PKIB: variants seen among roughly 807,000 people sequenced by gnomAD.
The protein encoded by PKIB is PKI-beta.
In PKIB, 2 loss-of-function variants were observed where a neutral mutation model predicts 4.5. The ratio of observed to expected loss-of-function variants is 0.44; its 90% CI spans 0.18 to 1.39. The LOEUF (loss-of-function observed/expected upper bound fraction) is 1.39, where lower values mean the gene tolerates loss of function less well. Ranked by LOEUF, PKIB falls within the 40% of genes most tolerant of loss-of-function variation. The pLI is 0.27. For missense variants in PKIB, 94 were observed against 92.6 expected (o/e 1.02, Z -0.06); for synonymous variants, 38 against 36.0 (o/e 1.06, Z -0.20).
intron 1 of PKIB, among the ~76,000 whole-genome samples, chr6:122,612,384 A>T (rs1298622724): frequency 6.6e-6 from 1 of 152,184 alleles, no homozygotes; most frequent in African/African-American, 2.4e-5. Context: ...CCAAAATTGT[A>T]AAACCATTAC....
intron 2 of PKIB, among the ~76,000 whole-genome samples, chr6:122,661,105 T>C (rs1040215140): frequency 2.6e-5 from 4 of 152,164 alleles, no homozygotes; most frequent in African/African-American, 4.8e-5. Context: ...ATAAATTATA[T>C]GGATAAAGAT....
exon 1 of PKIB, chr6:122,472,032 T>A: frequency 1.8e-6 from 1 of 565,966 alleles, no homozygotes; most frequent in Non-Finnish European, 2.9e-6. Context: ...TTTGCCAAAT[T>A]AAGAAAACGG....
chr6:122,615,697 T>C lies in PKIB; in HGVS notation c.-161+5162T>C, dbSNP rs571301225. ...TAACCCAATATGACTGGTTTCCTTA[T>C]AAGAAGAGGCAAGAGACACAAAGAG... On this transcript the variant is annotated intron_variant, in intron 1 of 4. Transcript: ENST00000368452. Among the ~76,000 whole-genome samples, 14 of 152,210 alleles carry C rather than the reference T, an allele frequency of 9.2e-5. No homozygotes were observed. In the South Asian group the frequency reaches 2.7e-3, roughly 29 times the overall value.
At chr6:122,580,705 G>C (rs1254135819) in intron 2 of PKIB, among the ~76,000 whole-genome samples, 3 of 152,014 alleles carry the variant, frequency 2.0e-5, no homozygotes, top group Non-Finnish European at 4.4e-5. Flanking sequence ...ATTTTGTCTT[G>C]TATCTTCTTA....
At chr6:122,567,052 A>G (rs141080606) in intron 2 of PKIB, among the ~76,000 whole-genome samples, 331 of 152,318 alleles carry the variant, frequency 2.2e-3, no homozygotes, top group Non-Finnish European at 4.0e-3. Flanking sequence ...AGAAATATAT[A>G]GAGGTAAAAA....
At chr6:122,473,238 A>G (rs1043950975) in intron 1 of PKIB, among the ~76,000 whole-genome samples, 3 of 152,266 alleles carry the variant, frequency 2.0e-5, no homozygotes, top group Admixed American at 2.0e-4. Context: ...TCAAAGTACC[A>G]GAGAAGGAGA....
chr6:122,703,228 T>A (rs2115032765), intron 3 of PKIB, among the ~76,000 whole-genome samples: 1 of 152,326 alleles, frequency 6.6e-6, no homozygotes, highest in Admixed American at 6.5e-5. Flanking sequence ...TTACTATTTG[T>A]AAAAAATTTT....
intron 3 of PKIB, among the ~76,000 whole-genome samples, chr6:122,604,700 T>G (rs1404189702): frequency 1.3e-5 from 2 of 152,200 alleles, no homozygotes; most frequent in African/African-American, 2.4e-5. Context: ...CATCTTCCCT[T>G]CAGTCATAAG....
At chr6:122,503,222 A>C (rs1047881697) in intron 2 of PKIB, among the ~76,000 whole-genome samples, 3 of 152,230 alleles carry the variant, frequency 2.0e-5, no homozygotes, top group African/African-American at 4.8e-5. Flanking sequence ...ATAAATTTGC[A>C]GGGGACATGA....
chr6:122,701,603 T>G, intron 3 of PKIB: 1 of 1,371,732 alleles, frequency 7.3e-7, no homozygotes, highest in South Asian at 1.3e-5. Flanking sequence ...CCATCAGCAG[T>G]TAGCAGTTCT....
chr6:122,673,638 A>G (rs1253095393), intron 2 of PKIB, among the ~76,000 whole-genome samples: 1 of 152,200 alleles, frequency 6.6e-6, no homozygotes. Context: ...AAATTCTTCC[A>G]AGGTGGTAAA....
intron 2 of PKIB, among the ~76,000 whole-genome samples, chr6:122,568,116 T>C (rs776743613): frequency 2.6e-5 from 4 of 152,172 alleles, no homozygotes; most frequent in Non-Finnish European, 5.9e-5. Context: ...TTCCAAGTCT[T>C]TTATCACAAA....
intron 1 of PKIB, among the ~76,000 whole-genome samples, chr6:122,624,298 T>C (rs1323439332): frequency 6.6e-6 from 1 of 152,202 alleles, no homozygotes; most frequent in East Asian, 1.9e-4. Context: ...CTTATTTTAT[T>C]CTTTGGGCCA....
chr6:122,499,376 T>C (rs1776159133), intron 2 of PKIB, among the ~76,000 whole-genome samples: 1 of 152,176 alleles, frequency 6.6e-6, no homozygotes, highest in Admixed American at 6.5e-5. Context: ...CAAGTAGGTT[T>C]TATTCCTAGC....
chr6:122,515,354 A>G (rs1377826465), intron 2 of PKIB, among the ~76,000 whole-genome samples: 1 of 152,218 alleles, frequency 6.6e-6, no homozygotes, highest in Non-Finnish European at 1.5e-5. Flanking sequence ...AAACATTTTA[A>G]ATGACCAGCT....
At chr6:122,608,642 C>T (rs184055830), upstream of PKIB, among the ~76,000 whole-genome samples, 13 of 152,310 alleles carry the variant, frequency 8.5e-5, no homozygotes, top group African/African-American at 2.2e-4. Context: ...CATTTCAAAA[C>T]GGCCTGTAGA....
chr6:122,701,324 C>A, intron 3 of PKIB: 2 of 778,662 alleles, frequency 2.6e-6, no homozygotes, highest in Non-Finnish European at 4.2e-6. Flanking sequence ...CTGCTCCAAG[C>A]AGCCAGTGAC....
intron 3 of PKIB, among the ~76,000 whole-genome samples, chr6:122,703,883 G>C (rs888934542): frequency 6.8e-6 from 1 of 147,544 alleles, no homozygotes; most frequent in African/African-American, 2.5e-5. Flanking sequence ...CGGCAAAAAT[G>C]CTCGCTCTCT....
intron 3 of PKIB, among the ~76,000 whole-genome samples, chr6:122,688,910 G>A (rs1051183589): frequency 1.3e-5 from 2 of 151,488 alleles, no homozygotes; most frequent in African/African-American, 4.8e-5. Context: ...CCTCCCGAGT[G>A]GCTGGGACTA....
Sources: allele counts gnomAD v4.1 joint callset (sites outside exome capture counted in the v4.1 genomes callset), GRCh38; gene constraint gnomAD v4.1.1; transcripts MANE v1.5; gene names NCBI Gene and HGNC (gene_info 2026-07-23, HGNC 2026-07-21).